The following MRPS27 variants were observed in gnomAD, a reference collection of about 807,000 sequenced individuals.
MRPS27 encodes the protein small ribosomal subunit protein mS27.
MRPS27 carries 43 observed loss-of-function variants against 48.9 expected under a neutral mutation model. The ratio of observed to expected loss-of-function variants is 0.88; its 90% confidence interval spans 0.69 to 1.13. MRPS27 has a LOEUF of 1.13. Ranked by LOEUF, MRPS27 falls within the 50% of genes most tolerant of loss-of-function variation. MRPS27 has a pLI of 0.00. For missense variants in MRPS27, 467 were observed against 476.3 expected, an observed-to-expected ratio of 0.98 and a Z score of 0.18; for synonymous variants, 188 against 171.9, an observed-to-expected ratio of 1.09 and a Z score of -0.73.
At chr5:72,272,823 T>C (rs1749280792) in intron 4 of MRPS27, among the ~76,000 whole-genome samples, 1 of 152,210 alleles carries the variant, frequency 6.6e-6, no homozygotes, top group Non-Finnish European at 1.5e-5. Flanking sequence ...CATTATTTAC[T>C]ATTTGGCCCT....
chr5:72,226,324 A>T (rs1460556502), intron 8 of MRPS27, 125 bp from the exon 9 acceptor site: 1 of 1,143,360 alleles, frequency 8.7e-7, no homozygotes, highest in Non-Finnish European at 1.3e-6. Flanking sequence ...GATCATTTTA[A>T]ATCTGTACCA....
At chr5:72,275,734 C>T (rs1749356856) in intron 4 of MRPS27, among the ~76,000 whole-genome samples, 1 of 152,210 alleles carries the variant, frequency 6.6e-6, no homozygotes, top group Non-Finnish European at 1.5e-5. Context: ...AGCCTTTATT[C>T]CTAATGCAAG....
intron 4 of MRPS27, among the ~76,000 whole-genome samples, chr5:72,286,612 A>C (rs111694769): frequency 2.3e-4 from 34 of 148,848 alleles, no homozygotes; most frequent in Non-Finnish European, 4.1e-4. Context: ...TAGGGAAAGA[A>C]AGTATTTTGC....
intron 4 of MRPS27, among the ~76,000 whole-genome samples, chr5:72,245,724 C>T (rs1482532307): frequency 2.0e-5 from 3 of 152,254 alleles, no homozygotes; most frequent in Admixed American, 6.5e-5. Context: ...AGATGAAGCA[C>T]ACCAGGGTAA....
intron 4 of MRPS27, among the ~76,000 whole-genome samples, chr5:72,281,861 C>G (rs888443266): frequency 6.6e-6 from 1 of 152,180 alleles, no homozygotes; most frequent in African/African-American, 2.4e-5. Context: ...CCAATGAAGA[C>G]TAATGATTGA....
Position 72,259,692 on chromosome 5 carries a change from CA to C in MRPS27, c.282-21565del, listed in dbSNP as rs1748913698. On this transcript the variant is annotated intron_variant, in intron 4 of 10. Transcript: ENST00000261413. The stretch of plus-strand genomic sequence containing the variant: ...ATTTGACTAATTCCCTAATGATAAA[CA>C]TTTGTTCAATAAGATGCTTCTATTT... 1.3e-5 allele frequency among the ~76,000 whole-genome samples: 2 copies of C among 152,094 alleles called. 1 individual carries two copies. The highest frequency in any genetic ancestry group is 4.2e-4 in the South Asian group (2 of 4,816).
At chr5:72,236,864 A>G (rs1457617499) in intron 5 of MRPS27, among the ~76,000 whole-genome samples, 1 of 150,616 alleles carries the variant, frequency 6.6e-6, no homozygotes, top group Non-Finnish European at 1.5e-5. Context: ...TTTCCTTCCA[A>G]TCAGATTCCC....
chr5:72,280,974 A>G (rs1403774662), intron 4 of MRPS27, among the ~76,000 whole-genome samples: 4 of 152,228 alleles, frequency 2.6e-5, no homozygotes, highest in Non-Finnish European at 4.4e-5. Context: ...TTCCCCCAAA[A>G]TGTGATATCC....
At chr5:72,309,886 T>C (rs1053066400) in intron 2 of MRPS27, among the ~76,000 whole-genome samples, 2 of 152,338 alleles carry the variant, frequency 1.3e-5, no homozygotes, top group East Asian at 1.9e-4. Flanking sequence ...TTTTAGGATA[T>C]GTGGAAGTTG....
At chr5:72,316,522 C>G (rs1395989753) in intron 1 of MRPS27, among the ~76,000 whole-genome samples, 1 of 152,016 alleles carries the variant, frequency 6.6e-6, no homozygotes, top group Non-Finnish European at 1.5e-5. Context: ...CGCCTGCCAC[C>G]ATGCTTGGAT....
intron 4 of MRPS27, among the ~76,000 whole-genome samples, chr5:72,281,641 C>A (rs1749535976): frequency 6.6e-6 from 1 of 152,134 alleles, no homozygotes; most frequent in Admixed American, 6.5e-5. Context: ...AGAGCATAGG[C>A]AAGATATGAA....
chr5:72,307,271 G>T (rs1326143388), intron 2 of MRPS27, among the ~76,000 whole-genome samples: 4 of 152,204 alleles, frequency 2.6e-5, no homozygotes, highest in African/African-American at 9.7e-5. Flanking sequence ...AGAATCGCTT[G>T]AACCTGGGAG....
intron 7 of MRPS27, among the ~76,000 whole-genome samples, chr5:72,231,236 GCTCA>G (rs991596975): frequency 2.0e-5 from 3 of 151,974 alleles, no homozygotes; most frequent in Non-Finnish European, 2.9e-5. Flanking sequence ...GCCCATTTCT[GCTCA>G]CTAAGTTTTC....
Position 72,297,696 on chromosome 5 carries a change from AG to A in MRPS27, c.157del (p.Ala54HisfsTer3). Reference sequence around the variant, plus strand: ...AAATGTTTTATCCATTAAAGATGCAAGATCAGCTGTGAAGACAAAAAAAGAA... The same window carrying A: ...AAATGTTTTATCCATTAAAGATGCAAATCAGCTGTGAAGACAAAAAAAGAA... Reference protein sequence around the residue: ...REKEHYCLADLASLMDKTFER... With the variant: ...REKEHYCLADXASLMDKTFER... On this transcript the variant is annotated frameshift_variant, in exon 3 of 11. Coordinates refer to ENST00000261413, the MANE Select transcript of MRPS27 (RefSeq NM_015084.3). LOFTEE classifies it high-confidence loss of function. 1.3e-6 allele frequency: 2 copies of A among 1,597,222 alleles called. No homozygotes were observed. Among genetic ancestry groups the A allele is most frequent in the Non-Finnish European group, 1.7e-6 (2 of 1,172,846 alleles).
At chr5:72,262,425 G>C (rs1407184084) in intron 4 of MRPS27, among the ~76,000 whole-genome samples, 1 of 151,938 alleles carries the variant, frequency 6.6e-6, no homozygotes, top group African/African-American at 2.4e-5. Context: ...AACAAACCCA[G>C]AAAAAGCAAC....
chr5:72,239,741 T>C (rs1011959620), intron 4 of MRPS27, among the ~76,000 whole-genome samples: 2 of 152,164 alleles, frequency 1.3e-5, no homozygotes, highest in African/African-American at 4.8e-5. Context: ...AGTGGTGCAA[T>C]CCTAGCTCAC....
chr5:72,239,637 A>G (rs1748298511), intron 4 of MRPS27, among the ~76,000 whole-genome samples: 1 of 151,912 alleles, frequency 6.6e-6, no homozygotes, highest in African/African-American at 2.4e-5. Flanking sequence ...AACAAAATAT[A>G]CCTTTAGTAT....
intron 5 of MRPS27, among the ~76,000 whole-genome samples, chr5:72,234,903 T>C (rs1272663387): frequency 6.6e-6 from 1 of 152,164 alleles, no homozygotes; most frequent in Non-Finnish European, 1.5e-5. Flanking sequence ...TGATCCTGAT[T>C]GTGGCTGCAT....
intron 4 of MRPS27, among the ~76,000 whole-genome samples, chr5:72,275,539 T>C (rs60747981): frequency 0.063 from 9,638 of 152,276 alleles, 548 homozygotes; most frequent in African/African-American, 0.15. Context: ...ATTTTAAAAT[T>C]CATATGGAAC....
Sources: gnomAD v4.1 joint callset for allele counts (sites outside exome capture counted in the v4.1 genomes callset) on GRCh38, gnomAD v4.1.1 for gene constraint, MANE v1.5 for transcripts, NCBI Gene and HGNC (gene_info 2026-07-23, HGNC 2026-07-21) for gene names.